Variants in SEPTIN14 observed in about 807,000 individuals in gnomAD.
SEPTIN14 encodes the protein septin-14.
Under a neutral mutation model 53.6 loss-of-function variants are expected in SEPTIN14, and 40 were observed. The observed-to-expected ratio is 0.75, with a 90% CI of 0.58 to 0.97. SEPTIN14 has a LOEUF of 0.97. Among genes scored for constraint, SEPTIN14 ranks in the 50% least tolerant of loss-of-function variants. SEPTIN14 has a pLI of 0.00. For synonymous variants in SEPTIN14, 138 were observed against 166.8 expected (o/e 0.83, Z 1.33); for missense variants, 471 against 508.2 (o/e 0.93, Z 0.70).
chr7:55,830,342 T>TAA (rs1789083186), intron 6 of SEPTIN14, among the ~76,000 whole-genome samples: 1 of 44,100 alleles, frequency 2.3e-5, no homozygotes, highest in Non-Finnish European at 3.5e-5. Flanking sequence ...TATATATATA[T>TAA]ATATATATTT....
chr7:55,845,436 T>C (rs1379275949), intron 3 of SEPTIN14, among the ~76,000 whole-genome samples: 1 of 152,222 alleles, frequency 6.6e-6, no homozygotes, highest in East Asian at 1.9e-4. Flanking sequence ...GCCATCATCC[T>C]TAGCAAACAG....
intron 7 of SEPTIN14, among the ~76,000 whole-genome samples, chr7:55,810,213 G>A (rs1445702245): frequency 7.8e-6 from 1 of 128,430 alleles, no homozygotes; most frequent in Non-Finnish European, 1.6e-5. Flanking sequence ...TGATGTTTTA[G>A]AGATGCTATT....
intron 4 of SEPTIN14, among the ~76,000 whole-genome samples, chr7:55,844,285 T>C (rs1284964375): frequency 6.6e-6 from 1 of 152,004 alleles, no homozygotes; most frequent in Non-Finnish European, 1.5e-5. Flanking sequence ...AATAAGGAAA[T>C]AAGCTAAAAC....
intron 6 of SEPTIN14, among the ~76,000 whole-genome samples, chr7:55,831,490 A>G (rs1311917338): frequency 6.6e-6 from 1 of 152,232 alleles, no homozygotes; most frequent in South Asian, 2.1e-4. Flanking sequence ...CGTATTAATG[A>G]CTTAAATGAA....
chr7:55,808,218 A>T (rs1410947657), intron 7 of SEPTIN14, among the ~76,000 whole-genome samples: 1 of 152,208 alleles, frequency 6.6e-6, no homozygotes, highest in African/African-American at 2.4e-5. Context: ...TTTCTCAAAC[A>T]AACACAAGAC....
rs560281824 is a variant in SEPTIN14, at chr7:55,855,039, C to A, written c.54+6904G>T. 2.0e-5 allele frequency among the ~76,000 whole-genome samples: 3 copies of A among 147,904 alleles called. No individual in the cohort carries two copies. The East Asian group carries it at 5.9e-4, about 29-fold the overall frequency. On this transcript the variant is annotated intron_variant, in intron 2 of 9. Transcript: ENST00000388975. ...TTTTTTTTTTTTTGAGACAGAGTCT[C>A]GCTCTTTCGCCCAGGCCGGAGTGCA...
At chr7:55,841,392 G>A (rs1479914955) in intron 5 of SEPTIN14, among the ~76,000 whole-genome samples, 2 of 151,700 alleles carry the variant, frequency 1.3e-5, no homozygotes, top group East Asian at 3.9e-4. Context: ...CTTTATAAAG[G>A]GCCCAGCGTC....
chr7:55,827,506 A>T (rs1242128506), intron 6 of SEPTIN14, among the ~76,000 whole-genome samples: 1 of 152,190 alleles, frequency 6.6e-6, no homozygotes, highest in Non-Finnish European at 1.5e-5. Flanking sequence ...CCTACACAGG[A>T]GGTAGAGCTG....
chr7:55,832,238 CACACACAA>C (rs1337393811), intron 6 of SEPTIN14, among the ~76,000 whole-genome samples: 1 of 125,888 alleles, frequency 7.9e-6, no homozygotes, highest in African/African-American at 3.1e-5. Flanking sequence ...CACACACACA[CACACACAA>C]AATAAGATAT....
At chr7:55,828,979 T>C (rs1259134268) in intron 6 of SEPTIN14, among the ~76,000 whole-genome samples, 5 of 152,114 alleles carry the variant, frequency 3.3e-5, no homozygotes, top group Admixed American at 3.3e-4. Context: ...TTGCTTTACA[T>C]AATTTCCGAT....
chr7:55,823,068 G>A (rs1313827171), intron 6 of SEPTIN14, among the ~76,000 whole-genome samples: 2 of 152,174 alleles, frequency 1.3e-5, no homozygotes, highest in East Asian at 3.9e-4. Context: ...CAAGTCCCCA[G>A]GGAAACCCCA....
At chr7:55,830,349 ATT>A (rs1216458496) in intron 6 of SEPTIN14, among the ~76,000 whole-genome samples, 8 of 56,846 alleles carry the variant, frequency 1.4e-4, no homozygotes, top group Non-Finnish European at 1.4e-4. Context: ...ATATATATAT[ATT>A]TTTTTTTTTT....
At chr7:55,804,824 A>G (rs1286305832) in intron 9 of SEPTIN14, among the ~76,000 whole-genome samples, 1 of 152,172 alleles carries the variant, frequency 6.6e-6, no homozygotes, top group Non-Finnish European at 1.5e-5. Flanking sequence ...AATGGCATGG[A>G]ATAACATAAT....
At chr7:55,811,048 C>G (rs1788692209) in intron 7 of SEPTIN14, 2 of 461,066 alleles carry the variant, frequency 4.3e-6, no homozygotes, top group African/African-American at 4.0e-5. Flanking sequence ...TCTTCCTCTT[C>G]CACTATCATT....
At chr7:55,818,860 G>A (rs1446771915) in intron 7 of SEPTIN14, among the ~76,000 whole-genome samples, 1 of 152,162 alleles carries the variant, frequency 6.6e-6, no homozygotes, top group Non-Finnish European at 1.5e-5. Flanking sequence ...CACATTGGGA[G>A]CGTTGGGATA....
intron 9 of SEPTIN14, among the ~76,000 whole-genome samples, chr7:55,802,472 T>G (rs950321285): frequency 1.3e-4 from 20 of 152,156 alleles, no homozygotes; most frequent in Admixed American, 5.2e-4. Flanking sequence ...ACATTAAATA[T>G]CAGATGGCCA....
In SEPTIN14 at chr7:55,821,202, G is replaced by A. The variant is rs527451277; in HGVS notation, c.721-1979C>T. Among the ~76,000 whole-genome samples, 4 of 152,182 alleles carry A rather than the reference G, an allele frequency of 2.6e-5. 1 individual carries two copies. Among genetic ancestry groups the A allele is most frequent in the African/African-American group, 9.6e-5 (4 of 41,538 alleles). On this transcript the variant is annotated intron_variant, in intron 6 of 9. Transcript: ENST00000388975. ...CTTGTGAAATAGGGGCCCTGCCTTG[G>A]ATGCAGCAAACAGAGAAGATGGGGG...
In SEPTIN14 at chr7:55,819,215, T is replaced by A; in HGVS notation, c.729A>T (p.Leu243Phe). The stretch of plus-strand genomic sequence containing the variant: ...CTGTACTCCCTACCACAGCAAAGGG[T>A]AACAGCCCCTAGAAAACAAGAATGA... The part of the protein sequence containing the change: ...AQANSSVSGL[L>F]PFAVVGSTDE... The change falls in exon 7 of 10, where the codon TTA becomes TTT. Residue 243 changes from leucine to phenylalanine, a missense_variant. Transcript: ENST00000388975. 6.4e-7 allele frequency: 1 copy of A among 1,560,394 alleles called. No individual in the cohort carries two copies.
intron 6 of SEPTIN14, among the ~76,000 whole-genome samples, chr7:55,825,537 C>T (rs1020244618): frequency 2.0e-5 from 3 of 152,156 alleles, no homozygotes; most frequent in South Asian, 2.1e-4. Flanking sequence ...TCAAGTGTAA[C>T]AAATGCACCA....
Sources: gnomAD v4.1 joint callset for allele counts (sites outside exome capture counted in the v4.1 genomes callset) on GRCh38, gnomAD v4.1.1 for gene constraint, MANE v1.5 for transcripts, NCBI Gene and HGNC (gene_info 2026-07-23, HGNC 2026-07-21) for gene names.